The following UNC80 variants were observed in gnomAD, a reference collection of about 807,000 sequenced individuals.
The protein encoded by UNC80 is unc-80 subunit of NALCN channel complex.
In UNC80, 164 loss-of-function variants were observed where a neutral mutation model predicts 384.6. The ratio of observed to expected loss-of-function variants is 0.43; its 90% CI spans 0.38 to 0.49. The LOEUF (loss-of-function observed/expected upper bound fraction) is 0.49, where lower values mean the gene tolerates loss of function less well. Ranked by LOEUF, UNC80 falls within the 20% of genes least tolerant of loss-of-function variation. UNC80 has a pLI of 0.00. For synonymous variants in UNC80, 1,486 were observed against 1,527.8 expected (o/e 0.97, Z 0.64); for missense variants, 3,330 against 4,143.0 (o/e 0.80, Z 5.39).
At chr2:209,922,418 CTT>C in intron 35 of UNC80, 35 bp downstream of exon 35, 1 of 1,541,110 alleles carries the variant, frequency 6.5e-7, no homozygotes. Context: ...TTTCTCCTGA[CTT>C]ATGTGTTTTG....
At chr2:209,871,038 A>T (rs1023671081) in intron 22 of UNC80, among the ~76,000 whole-genome samples, 1 of 152,214 alleles carries the variant, frequency 6.6e-6, no homozygotes, top group African/African-American at 2.4e-5. Context: ...GAGATGACCC[A>T]AATCACAAAG....
At chr2:209,831,666 G>T (rs1432698002) in intron 16 of UNC80, 75 bp downstream of exon 16, 3 of 1,364,406 alleles carry the variant, frequency 2.2e-6, no homozygotes, top group Non-Finnish European at 2.9e-6. Flanking sequence ...TCGTGGCCAT[G>T]AGTAAGAGAA....
chr2:209,938,288 A>G (rs1164084889), intron 42 of UNC80, among the ~76,000 whole-genome samples: 1 of 152,232 alleles, frequency 6.6e-6, no homozygotes, highest in Non-Finnish European at 1.5e-5. Context: ...TCTAAAAATG[A>G]TACAATTTTA....
Position 209,834,994 on chromosome 2 carries a change from T to C in UNC80, c.3025T>C (p.Ser1009Pro). The C allele has an allele frequency of 6.4e-7, 1 of 1,550,640 alleles. No individual in the cohort carries two copies. Among genetic ancestry groups the C allele is most frequent in the African/African-American group, 1.4e-5 (1 of 73,146 alleles). Residue 1009 changes from serine to proline, a missense_variant, in exon 18 of 65, where the codon TCA becomes CCA. By Grantham distance (74) the Ser-to-Pro change is moderately conservative. This residue lies in a region of UNC80 where 801 missense variants were observed against 950.8 expected (regional missense o/e 0.84). Coordinates refer to ENST00000673920, the MANE Select transcript of UNC80 (RefSeq NM_001371986.1). The stretch of plus-strand genomic sequence containing the variant: ...TCGCAGCTTCATGTCTGGTCGCCCC[T>C]CACAGACTCCAGAGCAGTAAGTAGC... ...ECRSFMSGRP[S>P]QTPEHDEQMQ...
At chr2:209,810,980 A>T (rs992067729) in intron 7 of UNC80, among the ~76,000 whole-genome samples, 1 of 152,146 alleles carries the variant, frequency 6.6e-6, no homozygotes, top group Non-Finnish European at 1.5e-5. Context: ...TGAGGTATAA[A>T]TGATAGGCTG....
chr2:209,916,004 T>C (rs1000679309), intron 31 of UNC80, among the ~76,000 whole-genome samples: 3 of 152,218 alleles, frequency 2.0e-5, no homozygotes, highest in African/African-American at 7.2e-5. Flanking sequence ...GTACAAATAT[T>C]AAGTGCATAT....
chr2:209,907,053 A>C (rs2088308299), intron 29 of UNC80, among the ~76,000 whole-genome samples: 1 of 152,172 alleles, frequency 6.6e-6, no homozygotes, highest in Admixed American at 6.6e-5. Context: ...CTCCTCCATG[A>C]AACTTTTTTG....
chr2:209,923,348 C>G (rs1421871173), intron 35 of UNC80, among the ~76,000 whole-genome samples: 1 of 152,076 alleles, frequency 6.6e-6, no homozygotes, highest in Non-Finnish European at 1.5e-5. Context: ...ATGTTTTCTT[C>G]TAAGAGTTTT....
At chr2:209,965,436 A>G (rs62201601) in intron 51 of UNC80, among the ~76,000 whole-genome samples, 38,156 of 150,618 alleles carry the variant, frequency 0.25, 5,898 homozygotes, top group Non-Finnish European at 0.34. Flanking sequence ...AAATATACAG[A>G]TTTCTGGGCC....
chr2:209,992,922 AG>A (rs2093418755), intron 62 of UNC80, among the ~76,000 whole-genome samples: 1 of 152,224 alleles, frequency 6.6e-6, no homozygotes, highest in African/African-American at 2.4e-5. Flanking sequence ...TTATTGATTC[AG>A]GTACCAGGCA....
intron 25 of UNC80, among the ~76,000 whole-genome samples, chr2:209,887,580 C>T (rs1323504508): frequency 6.6e-6 from 1 of 152,160 alleles, no homozygotes; most frequent in Non-Finnish European, 1.5e-5. Flanking sequence ...CTTTGTGGGG[C>T]TGTTATTCTG....
intron 35 of UNC80, among the ~76,000 whole-genome samples, chr2:209,923,277 C>T (rs955308315): frequency 6.6e-6 from 1 of 152,008 alleles, no homozygotes; most frequent in African/African-American, 2.4e-5. Context: ...AATCCAAGGT[C>T]GCAATTTGTC....
intron 28 of UNC80, among the ~76,000 whole-genome samples, chr2:209,904,408 C>G (rs1290748891): frequency 6.6e-6 from 1 of 152,242 alleles, no homozygotes; most frequent in African/African-American, 2.4e-5. Context: ...TATGCCCTTT[C>G]ATATGGTTCC....
chr2:209,856,408 C>T (rs1370054183), intron 22 of UNC80, among the ~76,000 whole-genome samples: 1 of 152,018 alleles, frequency 6.6e-6, no homozygotes, highest in Non-Finnish European at 1.5e-5. Context: ...TTTTCTTCTT[C>T]AATTTTTTCA....
intron 58 of UNC80, among the ~76,000 whole-genome samples, chr2:209,978,232 C>G (rs568580911): frequency 2.6e-5 from 4 of 152,228 alleles, no homozygotes; most frequent in African/African-American, 9.6e-5. Flanking sequence ...TTGCATCCTA[C>G]CAACCTTGGA....
rs973038739 is a variant in UNC80 at position 209,973,187 on chromosome 2, C to G, written c.8504C>G (p.Ala2835Gly). The G allele has an allele frequency of 2.1e-5, 33 of 1,551,662 alleles. No homozygotes were observed. Among genetic ancestry groups the G allele is most frequent in the Non-Finnish European group, 2.7e-5 (31 of 1,146,998 alleles). ...AACTTCATGTTAGAGAGCTCCCCAGCCCACTGCTCCACCCCTGGGGATGCG... is the reference window on the plus strand; with the variant it reads ...AACTTCATGTTAGAGAGCTCCCCAGGCCACTGCTCCACCCCTGGGGATGCG... ...SKNFMLESSP[A>G]HCSTPGDAGK... The change falls in exon 56 of 65, where the codon GCC becomes GGC. Residue 2835 changes from alanine (A) to glycine (G), a missense_variant. Coordinates refer to ENST00000673920, the MANE Select transcript of UNC80 (RefSeq NM_001371986.1).
intron 33 of UNC80, among the ~76,000 whole-genome samples, chr2:209,919,570 C>T (rs2124950426): frequency 6.6e-6 from 1 of 152,298 alleles, no homozygotes; most frequent in African/African-American, 2.4e-5. Flanking sequence ...ATTCATACTT[C>T]TTTGAAAAAT....
intron 26 of UNC80, among the ~76,000 whole-genome samples, chr2:209,890,234 T>A (rs536335771): frequency 3.9e-5 from 6 of 152,326 alleles, no homozygotes; most frequent in Middle Eastern, 3.4e-3. Context: ...CTCTGTGGCA[T>A]CACAATGTTA....
intron 49 of UNC80, among the ~76,000 whole-genome samples, chr2:209,958,342 T>C (rs1268119794): frequency 6.6e-6 from 1 of 152,190 alleles, no homozygotes; most frequent in African/African-American, 2.4e-5. Flanking sequence ...AGATTTAAGA[T>C]AGGGCAAACC....
Sources: allele counts gnomAD v4.1 joint callset (sites outside exome capture counted in the v4.1 genomes callset), GRCh38; gene constraint gnomAD v4.1.1; regional missense constraint gnomAD v4.1.1; transcripts MANE v1.5; gene names NCBI Gene and HGNC (gene_info 2026-07-23, HGNC 2026-07-21).